PIK3AP1: variants seen among roughly 807,000 people sequenced by gnomAD.
PIK3AP1 encodes phosphoinositide-3-kinase adaptor protein 1.
In PIK3AP1, 21 loss-of-function variants were observed where a neutral mutation model predicts 88.1. The ratio of observed to expected loss-of-function variants is 0.24; its 90% CI spans 0.17 to 0.34. The LOEUF is 0.34. Ranked by LOEUF, PIK3AP1 falls within the 10% of genes least tolerant of loss-of-function variation. The pLI is 1.00. For synonymous variants in PIK3AP1, 398 were observed against 400.0 expected (o/e 1.00, Z 0.06); for missense variants, 828 against 1,035.7 (o/e 0.80, Z 2.75).
intron 14 of PIK3AP1, 31 bp downstream of exon 14, chr10:96,609,681 A>G (rs752797969): frequency 6.2e-7 from 1 of 1,604,514 alleles, no homozygotes; most frequent in Non-Finnish European, 8.5e-7. Context: ...CCAGTCAAGA[A>G]GACCCCACCC....
chr10:96,704,737 A>G (rs1369796708), intron 2 of PIK3AP1, among the ~76,000 whole-genome samples: 1 of 151,888 alleles, frequency 6.6e-6, no homozygotes, highest in Non-Finnish European at 1.5e-5. Context: ...AAAAAAAAGA[A>G]AAAAGAAAAA....
At chr10:96,662,806 G>C (rs6584096) in intron 2 of PIK3AP1, among the ~76,000 whole-genome samples, 73,916 of 144,346 alleles carry the variant, frequency 0.51, 19,530 homozygotes, top group African/African-American at 0.65. Context: ...GGCGTGAACC[G>C]GGGAAGCGGA....
At chr10:96,625,943 T>C (rs1843149147) in intron 10 of PIK3AP1, among the ~76,000 whole-genome samples, 1 of 152,118 alleles carries the variant, frequency 6.6e-6, no homozygotes, top group African/African-American at 2.4e-5. Flanking sequence ...AGACGGAGTT[T>C]TGCCATGCTG....
At chr10:96,710,106 C>A in intron 1 of PIK3AP1, 123 bp from the exon 2 acceptor site, 1 of 875,072 alleles carries the variant, frequency 1.1e-6, no homozygotes, top group South Asian at 1.8e-5. Context: ...CGTGGTGTGC[C>A]TCCAGCACAC....
intron 10 of PIK3AP1, among the ~76,000 whole-genome samples, chr10:96,624,908 T>C (rs1843134835): frequency 6.6e-6 from 1 of 152,150 alleles, no homozygotes; most frequent in African/African-American, 2.4e-5. Flanking sequence ...ATCAGTACGG[T>C]TCCCTACTCC....
chr10:96,648,853 G>T lies in PIK3AP1; in HGVS notation c.991C>A (p.Gln331Lys). Reference sequence around the variant, plus strand: ...AGGGTGGGCAGCTCTTCATCCCTCTGATCTGAAAATTATCAAGGAAAACTT... The same window carrying T: ...AGGGTGGGCAGCTCTTCATCCCTCTTATCTGAAAATTATCAAGGAAAACTT... ...QLEEEDMMTN[Q>K]RDEELPTLLH... The change falls in exon 7 of 17, where the codon CAG becomes AAG. Residue 331 changes from glutamine (Q) to lysine (K), a missense_variant and splice_region_variant. By Grantham distance (53) the Gln-to-Lys change is moderately conservative. Transcript: ENST00000339364. The T allele has an allele frequency of 6.4e-7, 1 of 1,554,072 alleles. No homozygotes were observed. Among genetic ancestry groups the T allele is most frequent in the South Asian group, 1.2e-5 (1 of 83,324 alleles).
Position 96,626,698 on chromosome 10 carries a change from C to T in PIK3AP1, c.1669+10G>A. ...AGACCCAGTTGGACATCATTCCCTGCCATACTTGCCTTTAAAAATGTATGG... is the reference window on the plus strand; with the variant it reads ...AGACCCAGTTGGACATCATTCCCTGTCATACTTGCCTTTAAAAATGTATGG... On this transcript the variant is annotated intron_variant, in intron 10 of 16. Coordinates refer to ENST00000339364, the MANE Select transcript of PIK3AP1 (RefSeq NM_152309.3). The T allele has an allele frequency of 6.2e-7, 1 of 1,612,812 alleles. No individual in the cohort carries two copies. The highest frequency in any genetic ancestry group is 8.5e-7 in the Non-Finnish European group (1 of 1,178,984).
rs865907176 is a variant in PIK3AP1 at position 96,631,214 on chromosome 10, C to A, written c.1376-2721G>T. Among the ~76,000 whole-genome samples the A allele has an allele frequency of 7.2e-5, 11 of 152,326 alleles. No individual in the cohort carries two copies. The Middle Eastern group carries it at 0.01, about 141-fold the overall frequency. ...AGGCCCCAGCATCTCCAAGAACCTT[C>A]TCCAGGGCATAGCAACCTCAGGACC... On this transcript the variant is annotated intron_variant, in intron 8 of 16. Coordinates refer to ENST00000339364, the MANE Select transcript of PIK3AP1 (RefSeq NM_152309.3).
intron 2 of PIK3AP1, among the ~76,000 whole-genome samples, chr10:96,690,221 G>A (rs1844132908): frequency 6.6e-6 from 1 of 152,096 alleles, no homozygotes; most frequent in Admixed American, 6.6e-5. Flanking sequence ...AACCAGTTGA[G>A]TATCCTTGGG....
intron 14 of PIK3AP1, among the ~76,000 whole-genome samples, chr10:96,606,008 G>C (rs184558035): frequency 6.6e-6 from 1 of 152,146 alleles, no homozygotes. Flanking sequence ...GCTTGAACCC[G>C]GGAGGCAGAG....
chr10:96,646,007 C>A (rs547037607), intron 7 of PIK3AP1, among the ~76,000 whole-genome samples: 1 of 152,310 alleles, frequency 6.6e-6, no homozygotes, highest in African/African-American at 2.4e-5. Flanking sequence ...CACCTGTAAT[C>A]CCAGGACTTT....
chr10:96,615,808 C>G (rs1225451033), intron 13 of PIK3AP1, among the ~76,000 whole-genome samples: 2 of 152,174 alleles, frequency 1.3e-5, no homozygotes, highest in Non-Finnish European at 2.9e-5. Flanking sequence ...CAGGGTGTTA[C>G]CAGCCCAACT....
At chr10:96,686,295 T>C (rs1844067096) in intron 2 of PIK3AP1, among the ~76,000 whole-genome samples, 1 of 152,182 alleles carries the variant, frequency 6.6e-6, no homozygotes, top group African/African-American at 2.4e-5. Context: ...CAGCATTTAC[T>C]AAGATCTCTG....
chr10:96,603,429 T>G (rs887417439), intron 15 of PIK3AP1, among the ~76,000 whole-genome samples: 34 of 152,150 alleles, frequency 2.2e-4, no homozygotes, highest in Non-Finnish European at 2.6e-4. Context: ...AGACCCACCC[T>G]TAATCTGCGT....
chr10:96,596,602 T>C (rs1243107474), intron 16 of PIK3AP1, among the ~76,000 whole-genome samples: 1 of 152,232 alleles, frequency 6.6e-6, no homozygotes, highest in East Asian at 1.9e-4. Flanking sequence ...TTCTCATGAC[T>C]GCTTCCTCAT....
intron 2 of PIK3AP1, among the ~76,000 whole-genome samples, chr10:96,684,261 A>C (rs892622351): frequency 2.0e-5 from 3 of 152,240 alleles, no homozygotes; most frequent in African/African-American, 7.2e-5. Flanking sequence ...ATTTCCAAAT[A>C]GTTGCCAAAG....
chr10:96,625,256 A>G (rs544549313), intron 10 of PIK3AP1, among the ~76,000 whole-genome samples: 2 of 152,340 alleles, frequency 1.3e-5, no homozygotes, highest in Admixed American at 6.5e-5. Context: ...AACCTGTCCT[A>G]TAAGAGGGCA....
chr10:96,709,843 A>G lies in PIK3AP1; in HGVS notation c.154T>C (p.Ser52Pro). ...AGGCTTAGGTCCTCTGCCGAGAAGG[A>G]GGCCTCGGGGCCCAGCCTGTGAGTC... The part of the protein sequence containing the change: ...ILTHRLGPEA[S>P]FSAEDLSLFL... Residue 52 changes from serine to proline, a missense_variant, in exon 2 of 17, where the codon TCC becomes CCC. By Grantham distance (74) the Ser-to-Pro change is moderately conservative. Around this residue, in one of 3 missense-constraint regions of PIK3AP1, gnomAD observed 610 missense variants for 760.1 expected, o/e 0.80. Transcript: ENST00000339364. The G allele has an allele frequency of 6.2e-7, 1 of 1,613,948 alleles. No homozygotes were observed. The highest frequency in any genetic ancestry group is 8.5e-7 in the Non-Finnish European group (1 of 1,179,974).
At chr10:96,689,408 C>CAA (rs1210426100) in intron 2 of PIK3AP1, among the ~76,000 whole-genome samples, 19 of 139,508 alleles carry the variant, frequency 1.4e-4, no homozygotes, top group African/African-American at 4.2e-4. Context: ...ACTAAAAATA[C>CAA]AAAAAAAAAA....
Sources: allele counts gnomAD v4.1 joint callset (sites outside exome capture counted in the v4.1 genomes callset), GRCh38; gene constraint gnomAD v4.1.1; regional missense constraint gnomAD v4.1.1; transcripts MANE v1.5; gene names NCBI Gene and HGNC (gene_info 2026-07-23, HGNC 2026-07-21).